The following HECW2 variants were observed in gnomAD, a reference collection of about 807,000 sequenced individuals.
HECW2 encodes the protein E3 ubiquitin-protein ligase HECW2.
In HECW2, 61 loss-of-function variants were observed where a neutral mutation model predicts 175.2. The observed-to-expected ratio is 0.35, with a 90% CI of 0.28 to 0.43. The LOEUF (loss-of-function observed/expected upper bound fraction) is 0.43, where lower values mean the gene tolerates loss of function less well. Ranked by LOEUF, HECW2 falls within the 20% of genes least tolerant of loss-of-function variation. The pLI is 1.00. For synonymous variants in HECW2, 671 were observed against 731.0 expected, an observed-to-expected ratio of 0.92 and a Z score of 1.32; for missense variants, 1,524 against 2,000.5, an observed-to-expected ratio of 0.76 and a Z score of 4.54.
intron 18 of HECW2, among the ~76,000 whole-genome samples, chr2:196,254,661 G>C (rs1688985170): frequency 1.3e-5 from 2 of 152,246 alleles, no homozygotes; most frequent in East Asian, 1.9e-4. Context: ...AGAGACCTGA[G>C]CTCTTTTCAG....
At chr2:196,575,080 CA>C (rs1164886570) in intron 1 of HECW2, among the ~76,000 whole-genome samples, 5,573 of 29,960 alleles carry the variant, frequency 0.19, 33 homozygotes, top group Non-Finnish European at 0.2. Flanking sequence ...GGCCTTGTCT[CA>C]AAAAAAAAAA....
In HECW2 at chr2:196,201,150, G is replaced by A; in HGVS notation, c.*127C>T. ...CAAATGTGACAGAGCACTTGTTCCT[G>A]GAAAACAACAGCACATAGCTTTATC... On this transcript the variant is annotated 3_prime_UTR_variant, in exon 29 of 29. Transcript: ENST00000644978. 1.5e-6 allele frequency: 1 copy of A among 676,850 alleles called. No homozygotes were observed. The highest frequency in any genetic ancestry group is 2.7e-6 in the Non-Finnish European group (1 of 373,794). 41.9% of individuals were successfully genotyped at this position (676,850 alleles called of 1,614,324 possible).
chr2:196,521,726 T>C (rs1281917039), intron 1 of HECW2, among the ~76,000 whole-genome samples: 2 of 149,020 alleles, frequency 1.3e-5, no homozygotes, highest in Middle Eastern at 3.2e-3. Context: ...AGTGAGAATA[T>C]GCAGTGTTTG....
At chr2:196,423,239 C>T (rs190632076) in intron 2 of HECW2, among the ~76,000 whole-genome samples, 19 of 152,126 alleles carry the variant, frequency 1.2e-4, no homozygotes, top group African/African-American at 2.9e-4. Flanking sequence ...AGCACTGTGC[C>T]GAGCATTTTA....
chr2:196,282,139 CTG>C (rs913567729), intron 14 of HECW2, among the ~76,000 whole-genome samples: 4 of 152,172 alleles, frequency 2.6e-5, no homozygotes, highest in African/African-American at 7.2e-5. Context: ...CCAGTGAAAA[CTG>C]TGTTTGTTAA....
At chr2:196,412,138 C>T (rs773340447) in intron 2 of HECW2, among the ~76,000 whole-genome samples, 7 of 152,162 alleles carry the variant, frequency 4.6e-5, no homozygotes, top group Non-Finnish European at 7.4e-5. Context: ...CTAGGGCTGC[C>T]GTGATAAATT....
chr2:196,374,861 G>A (rs2105909586), intron 2 of HECW2, among the ~76,000 whole-genome samples: 2 of 151,646 alleles, frequency 1.3e-5, no homozygotes, highest in South Asian at 2.1e-4. Flanking sequence ...AAGCAAAGAC[G>A]GCACATGAAA....
At chr2:196,444,962 C>T (rs1454401304) in intron 1 of HECW2, among the ~76,000 whole-genome samples, 1 of 152,180 alleles carries the variant, frequency 6.6e-6, no homozygotes, top group Non-Finnish European at 1.5e-5. Flanking sequence ...GTTACCCTTG[C>T]AAATGCTTAG....
At chr2:196,273,968 G>T in intron 16 of HECW2, 53 bp downstream of exon 16, 1 of 1,296,956 alleles carries the variant, frequency 7.7e-7, no homozygotes, top group Non-Finnish European at 1.1e-6. Flanking sequence ...CAGTGTACAT[G>T]GTACAGATAA....
intron 1 of HECW2, among the ~76,000 whole-genome samples, chr2:196,477,153 A>C (rs571536455): frequency 4.3e-4 from 65 of 151,598 alleles, no homozygotes; most frequent in Non-Finnish European, 7.9e-4. Flanking sequence ...AAAGCGAAAA[A>C]AAAAAAAAAA....
chr2:196,398,029 G>A (rs1182901142), intron 2 of HECW2, among the ~76,000 whole-genome samples: 1 of 151,974 alleles, frequency 6.6e-6, no homozygotes, highest in Non-Finnish European at 1.5e-5. Flanking sequence ...ATAATAAGAG[G>A]TAGGTGGTTT....
Position 196,318,639 on chromosome 2 carries a change from C to G in HECW2, c.2251G>C (p.Glu751Gln). The change falls in exon 9 of 29, where the codon GAG becomes CAG. Residue 751 changes from glutamate to glutamine, a missense_variant. Coordinates refer to ENST00000644978, the MANE Select transcript of HECW2 (RefSeq NM_001348768.2). ...CTGCCTTCTTCTTGCGGTGGGCTCT[C>G]GGCAGCAGCTGCAGCTCCCTCCAGG... is the stretch of plus-strand genomic sequence containing the variant. The part of the protein sequence containing the change: ...GSLEGAAAAA[E>Q]SPPQEEGSAG... 6.3e-7 allele frequency: 1 copy of G among 1,598,424 alleles called. No individual in the cohort carries two copies.
chr2:196,333,791 A>T (rs1692453572), intron 4 of HECW2, among the ~76,000 whole-genome samples: 1 of 152,236 alleles, frequency 6.6e-6, no homozygotes, highest in Admixed American at 6.5e-5. Flanking sequence ...GTCCAACACA[A>T]CAAGTTTCCT....
chr2:196,211,585 T>C (rs1490561741), intron 28 of HECW2, among the ~76,000 whole-genome samples: 1 of 152,192 alleles, frequency 6.6e-6, no homozygotes, highest in Non-Finnish European at 1.5e-5. Context: ...TACTTTTATA[T>C]ACTCCTTGAC....
chr2:196,316,996 T>C (rs1374657683), intron 10 of HECW2: 1 of 380,532 alleles, frequency 2.6e-6, no homozygotes, highest in African/African-American at 2.0e-5. Flanking sequence ...AATTCTATTA[T>C]GCACCCAATT....
chr2:196,265,345 C>T (rs1011023390), intron 17 of HECW2, among the ~76,000 whole-genome samples: 1 of 152,074 alleles, frequency 6.6e-6, no homozygotes, highest in Non-Finnish European at 1.5e-5. Flanking sequence ...ATTAGCCGGG[C>T]ATGGTAGTGC....
chr2:196,380,513 G>C (rs986606180), intron 2 of HECW2, among the ~76,000 whole-genome samples: 1 of 152,162 alleles, frequency 6.6e-6, no homozygotes, highest in Non-Finnish European at 1.5e-5. Flanking sequence ...TGCCACCTCA[G>C]GTAAGTGCAG....
chr2:196,200,072 T>A lies in HECW2; in HGVS notation c.*1205A>T, dbSNP rs1016576723. ...TACGAAATATCTGTATTAAATGCCA[T>A]CCTGTAAAGTATTTGATGGATGGAA... On this transcript the variant is annotated 3_prime_UTR_variant, in exon 29 of 29. Transcript: ENST00000644978. 1.3e-5 allele frequency: 2 copies of A among 152,610 alleles called. No homozygotes were observed. Among genetic ancestry groups the A allele is most frequent in the African/African-American group, 2.4e-5 (1 of 41,442 alleles). The allele number at this position is 152,610 out of a possible 1,614,324, so 9.5% of individuals were successfully genotyped here. A position where few individuals can be genotyped will look rare whatever the true frequency, so the allele number is the denominator to read the frequency against.
intron 13 of HECW2, among the ~76,000 whole-genome samples, chr2:196,294,198 T>C (rs1224481105): frequency 6.6e-6 from 1 of 152,226 alleles, no homozygotes; most frequent in Non-Finnish European, 1.5e-5. Context: ...GACTATGTCA[T>C]GATTGTCCAC....
Sources: gnomAD v4.1 joint callset for allele counts (sites outside exome capture counted in the v4.1 genomes callset) on GRCh38, gnomAD v4.1.1 for gene constraint, MANE v1.5 for transcripts, NCBI Gene and HGNC (gene_info 2026-07-23, HGNC 2026-07-21) for gene names.